The following EVC2 variants were observed in gnomAD, a reference collection of about 807,000 sequenced individuals.
EVC2 encodes the protein limbin.
EVC2 carries 148 observed loss-of-function variants against 149.3 expected under a neutral mutation model. The ratio of observed to expected loss-of-function variants is 0.99; its 90% CI spans 0.87 to 1.14. The LOEUF (loss-of-function observed/expected upper bound fraction) is 1.14, where lower values mean the gene tolerates loss of function less well. Among genes scored for constraint, EVC2 ranks in the 50% most tolerant of loss-of-function variants. The pLI is 0.00. For synonymous variants in EVC2, 776 were observed against 649.9 expected (o/e 1.19, Z -2.95); for missense variants, 1,854 against 1,627.3 (o/e 1.14, Z -2.40).
intron 1 of EVC2, among the ~76,000 whole-genome samples, chr4:5,698,422 CCTCT>C (rs1463137730): frequency 6.6e-6 from 1 of 152,166 alleles, no homozygotes; most frequent in Non-Finnish European, 1.5e-5. Flanking sequence ...AGTCTCTCAG[CCTCT>C]CTGAGCCTCA....
At chr4:5,566,060 G>C (rs1279233711) in intron 20 of EVC2, among the ~76,000 whole-genome samples, 1 of 152,270 alleles carries the variant, frequency 6.6e-6, no homozygotes, top group Non-Finnish European at 1.5e-5. Flanking sequence ...GTACCTAAGA[G>C]AGAGGACACA....
At chr4:5,561,809 T>A (rs1394349175), downstream of EVC2, among the ~76,000 whole-genome samples, 2 of 152,188 alleles carry the variant, frequency 1.3e-5, no homozygotes, top group East Asian at 3.9e-4. Flanking sequence ...AAAAAGTAGG[T>A]TAAAGTTGTT....
Position 5,622,570 on chromosome 4 carries a change from G to A in EVC2, c.2468C>T (p.Ala823Val), listed in dbSNP as rs376155783. The A allele has an allele frequency of 3.1e-6, 5 of 1,613,820 alleles. No homozygotes were observed. The highest frequency in any genetic ancestry group is 4.2e-6 in the Non-Finnish European group (5 of 1,179,972). ...CAGGTGCTCCCAGCGTCGCAGCTCT[G>A]CCTGCTCCTCTGTCACGGCCTCAGG... The part of the protein sequence containing the change: ...DAPEAVTEEQ[A>V]ELRRWEHLIF... The change falls in exon 14 of 22, where the codon GCA becomes GTA. Residue 823 changes from alanine to valine, a missense_variant. Transcript: ENST00000344408. This position sits in a 1 kb window ranked among gnomAD's most constrained non-coding sequence, Gnocchi z 5.8.
At chr4:5,619,936 CAG>C (rs750790109) in intron 14 of EVC2, among the ~76,000 whole-genome samples, 3 of 152,194 alleles carry the variant, frequency 2.0e-5, no homozygotes, top group Non-Finnish European at 4.4e-5. Flanking sequence ...CTTTAAAATT[CAG>C]AGTTATCAGC....
At chr4:5,628,813 A>G (rs1716323348) in intron 11 of EVC2, 79 bp from the exon 12 acceptor site, 5 of 1,404,050 alleles carry the variant, frequency 3.6e-6, no homozygotes, top group South Asian at 2.6e-5. Context: ...TTAAAATATT[A>G]TTTTTCCTTT....
rs1722937250 is a variant in EVC2 at position 5,576,393 on chromosome 4, T to G, written c.3119A>C (p.Gln1040Pro). The G allele has an allele frequency of 6.2e-7, 1 of 1,613,732 alleles. No homozygotes were observed. ...CTGCCAGCTCGCCAGGGCCTGCTGC[T>G]GCTGGGCTGCCTCCTGCTGCACCAG... Reference protein sequence around the residue: ...DQLVQQEAAQQQQALASWQQW... With the variant: ...DQLVQQEAAQPQQALASWQQW... Residue 1040 changes from glutamine (Q) to proline (P), a missense_variant, in exon 18 of 22, where the codon CAG becomes CCG. Coordinates refer to ENST00000344408, the MANE Select transcript of EVC2 (RefSeq NM_147127.5). The surrounding 1 kb of genome is among the most constrained non-coding windows in gnomAD (Gnocchi z 4.5).
chr4:5,568,456 A>G lies in EVC2; in HGVS notation c.3545T>C (p.Val1182Ala), dbSNP rs759011343. The G allele has an allele frequency of 3.8e-6, 6 of 1,560,614 alleles. 1 individual carries two copies. Among genetic ancestry groups the G allele is most frequent in the Non-Finnish European group, 5.2e-6 (6 of 1,160,372 alleles). Residue 1182 changes from valine (V) to alanine (A), a missense_variant, in exon 20 of 22, where the codon GTG becomes GCG. Coordinates refer to ENST00000344408, the MANE Select transcript of EVC2 (RefSeq NM_147127.5). ...CCACGGCACTCACCTCCGCCTGCCCACGTCGGCCTGCTCCGCTCCGCCATC... is the reference window on the plus strand; with the variant it reads ...CCACGGCACTCACCTCCGCCTGCCCGCGTCGGCCTGCTCCGCTCCGCCATC... Reference protein sequence around the residue: ...ESDGGAEQADVGRRRKHQSWW... With the variant: ...ESDGGAEQADAGRRRKHQSWW...
chr4:5,667,597 C>A (rs1365023103), intron 7 of EVC2, among the ~76,000 whole-genome samples: 1 of 152,086 alleles, frequency 6.6e-6, no homozygotes, highest in Admixed American at 6.6e-5. Flanking sequence ...CAAAAAGACA[C>A]AAAGCAAAGT....
chr4:5,691,234 C>G, intron 4 of EVC2, 31 bp downstream of exon 4: 1 of 1,591,656 alleles, frequency 6.3e-7, no homozygotes, highest in Non-Finnish European at 8.6e-7. Context: ...ATTATTTTCT[C>G]TTCAAATATA....
intron 4 of EVC2, among the ~76,000 whole-genome samples, chr4:5,690,180 G>A (rs781484741): frequency 6.6e-6 from 1 of 152,186 alleles, no homozygotes; most frequent in Non-Finnish European, 1.5e-5. Context: ...AAAGTCACTA[G>A]AAGGATATAC....
chr4:5,658,693 T>A (rs991941365), intron 9 of EVC2, among the ~76,000 whole-genome samples: 1 of 152,204 alleles, frequency 6.6e-6, no homozygotes, highest in East Asian at 1.9e-4. Flanking sequence ...GAAGAAAAGA[T>A]TGAAAACACT....
At chr4:5,609,436 G>A (rs1032168158) in intron 16 of EVC2, among the ~76,000 whole-genome samples, 7 of 152,338 alleles carry the variant, frequency 4.6e-5, no homozygotes, top group Middle Eastern at 3.4e-3. Context: ...CAACTCAAGA[G>A]TGTCTATTCT....
the EVC2 span, among the ~76,000 whole-genome samples, chr4:5,533,550 G>A: frequency 2.0e-5 from 3 of 152,212 alleles, no homozygotes; most frequent in African/African-American, 7.2e-5. Context: ...ACATGGTCTG[G>A]TTTCCATGTT....
At chr4:5,596,557 T>C (rs898347599) in intron 16 of EVC2, among the ~76,000 whole-genome samples, 2 of 151,842 alleles carry the variant, frequency 1.3e-5, no homozygotes, top group African/African-American at 2.4e-5. Flanking sequence ...ATCTCTGGGA[T>C]GCATTCAAAG....
At chr4:5,632,113 G>A (rs1256255453) in intron 10 of EVC2, 81 bp from the exon 11 acceptor site, 1 of 1,559,768 alleles carries the variant, frequency 6.4e-7, no homozygotes, top group African/African-American at 1.4e-5. Context: ...ATGTGTACAG[G>A]CACATGTGCA....
intron 9 of EVC2, among the ~76,000 whole-genome samples, chr4:5,641,676 G>A (rs539237883): frequency 6.6e-6 from 1 of 152,186 alleles, no homozygotes; most frequent in East Asian, 1.9e-4. Context: ...TTATGTTATG[G>A]TAAAAATACA....
intron 21 of EVC2, among the ~76,000 whole-genome samples, chr4:5,556,254 A>G (rs913623513): frequency 6.6e-6 from 1 of 151,306 alleles, no homozygotes; most frequent in Non-Finnish European, 1.5e-5. Context: ...CTCTCAGATC[A>G]CCATAGAATT....
At chr4:5,643,892 C>CAA (rs1209358062) in intron 9 of EVC2, among the ~76,000 whole-genome samples, 1 of 151,864 alleles carries the variant, frequency 6.6e-6, no homozygotes, top group East Asian at 1.9e-4. Flanking sequence ...GAGACTGTCT[C>CAA]AAAATAAAAA....
At chr4:5,699,044 GC>G (rs1211792066) in intron 1 of EVC2, among the ~76,000 whole-genome samples, 5 of 152,202 alleles carry the variant, frequency 3.3e-5, no homozygotes, top group African/African-American at 4.8e-5. Flanking sequence ...CCTGGCTGGG[GC>G]AGTTCTGCTG....
Sources: gnomAD v4.1 joint callset for allele counts (sites outside exome capture counted in the v4.1 genomes callset) on GRCh38, gnomAD v4.1.1 for gene constraint, Gnocchi (gnomAD v3.1) non-coding constraint, MANE v1.5 for transcripts, NCBI Gene and HGNC (gene_info 2026-07-23, HGNC 2026-07-21) for gene names.